The following COL11A1 variants were observed in gnomAD, a reference collection of about 807,000 sequenced individuals.
COL11A1 encodes collagen type XI alpha 1 chain.
COL11A1 carries 74 observed loss-of-function variants against 265.2 expected under a neutral mutation model. The observed-to-expected ratio is 0.28, with a 90% confidence interval of 0.23 to 0.34. COL11A1 has a LOEUF of 0.34. Ranked by LOEUF, COL11A1 falls within the 10% of genes least tolerant of loss-of-function variation. The pLI is 1.00. For missense variants in COL11A1, 2,165 were observed against 2,263.6 expected (o/e 0.96, Z 0.88); for synonymous variants, 816 against 727.6 (o/e 1.12, Z -1.96).
intron 4 of COL11A1, among the ~76,000 whole-genome samples, chr1:103,072,075 A>G (rs1001272434): frequency 4.0e-5 from 6 of 151,854 alleles, no homozygotes; most frequent in Non-Finnish European, 5.9e-5. Flanking sequence ...AAATCAATTC[A>G]TATACTCACT....
chr1:103,018,896 T>C, intron 9 of COL11A1, 37 bp from the exon 10 acceptor site: 2 of 1,556,898 alleles, frequency 1.3e-6, no homozygotes, highest in Non-Finnish European at 1.8e-6. Flanking sequence ...ACCAGGGAAA[T>C]ATAACCCCCA....
intron 4 of COL11A1, among the ~76,000 whole-genome samples, chr1:103,065,117 T>C (rs567157319): frequency 3.9e-5 from 6 of 152,126 alleles, no homozygotes; most frequent in Non-Finnish European, 5.9e-5. Context: ...ATATTGATAA[T>C]AGGGAAGGTT....
chr1:103,018,856 T>C lies in COL11A1; in HGVS notation c.1312A>G (p.Met438Val), dbSNP rs775067018. Reference protein sequence around the residue: ...KGEPAVVEPGMLVEGPPGPAG... With the variant: ...KGEPAVVEPGVLVEGPPGPAG... ...GGTCCTGGTGGTCCTTCGACAAGCA[T>C]ACCCTATAACAGGAAAAGAGAACAT... The change falls in exon 10 of 67, where the codon ATG (methionine) becomes GTG (valine). Residue 438 changes from methionine (M) to valine (V), a missense_variant. By Grantham distance (21) the Met-to-Val change is conservative. Transcript: ENST00000370096. 2.5e-6 allele frequency: 4 copies of C among 1,612,136 alleles called. No individual in the cohort carries two copies. The East Asian group carries it at 8.9e-5, about 36-fold the overall frequency.
At chr1:103,051,496 ATCTGTCACCCCTT>A (rs1177565107) in intron 4 of COL11A1, among the ~76,000 whole-genome samples, 3 of 152,160 alleles carry the variant, frequency 2.0e-5, no homozygotes, top group African/African-American at 7.2e-5. Flanking sequence ...TCCAGGTGCC[ATCTGTCACCCCTT>A]TCTTTGACTA....
chr1:102,960,924 G>C (rs1025223403), intron 41 of COL11A1, among the ~76,000 whole-genome samples: 1 of 152,068 alleles, frequency 6.6e-6, no homozygotes, highest in African/African-American at 2.4e-5. Flanking sequence ...AAGGGGATAA[G>C]AAAATGAATC....
At position 103,063,934 on chromosome 1, in the gene COL11A1, A is replaced by G. The variant is rs376091318; in HGVS notation, c.651+10684T>C. Among the ~76,000 whole-genome samples the G allele has an allele frequency of 5.3e-5, 8 of 152,318 alleles. No individual in the cohort carries two copies. The East Asian group carries it at 9.6e-4, about 18-fold the overall frequency. ...TCAACAAGGAAGATATACAGATGGA[A>G]AGTAAGCCTATGAAAATATGTTCAA... On this transcript the variant is annotated intron_variant, in intron 4 of 66. Transcript: ENST00000370096.
rs1241975244 is a variant in COL11A1 at position 102,876,926 on chromosome 1, T to G, written c.*1093A>C. On this transcript the variant is annotated 3_prime_UTR_variant, in exon 67 of 67. Transcript: ENST00000370096. ...AATTATCTTGAAAGGAAAAAAGTAA[T>G]ATTTGTTGGGCAAGTAAAATAATTT... is the stretch of plus-strand genomic sequence containing the variant. 6.6e-6 allele frequency: 1 copy of G among 152,404 alleles called. No homozygotes were observed. The highest frequency in any genetic ancestry group is 1.9e-4 in the East Asian group (1 of 5,190). 9.4% of individuals were successfully genotyped at this position (152,404 alleles called of 1,614,324 possible).
In COL11A1 at chr1:103,091,946, C is replaced by T. The variant is rs150214142; in HGVS notation, c.107-8974G>A. ...AACAAGCCTATTAGTACTATCTTTT[C>T]AGAAAATAGAAATCCAGTGAACAAA... On this transcript the variant is annotated intron_variant, in intron 1 of 66. Transcript: ENST00000370096. Among the ~76,000 whole-genome samples the T allele has an allele frequency of 1.8e-3, 281 of 152,180 alleles. 1 individual carries two copies. Among genetic ancestry groups the T allele is most frequent in the African/African-American group, 6.5e-3 (270 of 41,548 alleles).
chr1:103,044,594 C>T (rs973294334), intron 4 of COL11A1, among the ~76,000 whole-genome samples: 1 of 152,094 alleles, frequency 6.6e-6, no homozygotes, highest in Non-Finnish European at 1.5e-5. Context: ...CAATATGGCT[C>T]TATTGCATCA....
chr1:102,944,612 A>T (rs1383667800), intron 42 of COL11A1, among the ~76,000 whole-genome samples: 1 of 152,088 alleles, frequency 6.6e-6, no homozygotes, highest in Non-Finnish European at 1.5e-5. Context: ...ATAATTTTTC[A>T]TCTGTCTCAC....
chr1:103,051,214 G>T (rs1028136800), intron 4 of COL11A1, among the ~76,000 whole-genome samples: 1 of 152,228 alleles, frequency 6.6e-6, no homozygotes, highest in Non-Finnish European at 1.5e-5. Context: ...AGCCTACAGA[G>T]GCAGGCAGGC....
At chr1:102,931,826 G>A (rs1385058821) in intron 46 of COL11A1, among the ~76,000 whole-genome samples, 2 of 151,528 alleles carry the variant, frequency 1.3e-5, no homozygotes. Context: ...TTGTTGAATT[G>A]ATCCCTTTAG....
At chr1:103,060,080 G>A (rs1670552544) in intron 4 of COL11A1, among the ~76,000 whole-genome samples, 1 of 151,728 alleles carries the variant, frequency 6.6e-6, no homozygotes, top group Admixed American at 6.6e-5. Flanking sequence ...GAAAATCTAA[G>A]ATAAATTTAA....
intron 64 of COL11A1, 129 bp downstream of exon 64, chr1:102,883,070 G>T: frequency 1.4e-6 from 1 of 721,342 alleles, no homozygotes; most frequent in Non-Finnish European, 2.5e-6. Context: ...TGCAAATGAA[G>T]TACTCTAATT....
rs916839865 is a variant in COL11A1, at chr1:102,906,962, C to T, written c.4086+5197G>A. 9.9e-5 allele frequency among the ~76,000 whole-genome samples: 15 copies of T among 152,120 alleles called. 1 individual carries two copies. The East Asian group carries it at 2.9e-3, about 29-fold the overall frequency. On this transcript the variant is annotated intron_variant, in intron 54 of 66. Coordinates refer to ENST00000370096, the MANE Select transcript of COL11A1 (RefSeq NM_001854.4). ...GATTATTATGTAAAACAGAAAGAAG[C>T]AATTAAGCATGCCAGTTTATCCAAA...
intron 54 of COL11A1, among the ~76,000 whole-genome samples, chr1:102,905,279 C>A (rs773067614): frequency 1.3e-5 from 2 of 149,158 alleles, no homozygotes; most frequent in Non-Finnish European, 3.0e-5. Flanking sequence ...TGCTAAATGA[C>A]GAGTTACTGG....
intron 4 of COL11A1, among the ~76,000 whole-genome samples, chr1:103,046,319 T>A (rs1371632071): frequency 2.4e-5 from 3 of 125,904 alleles, no homozygotes; most frequent in African/African-American, 6.0e-5. Flanking sequence ...AGATGGTATC[T>A]CATTGTGGTT....
At chr1:103,105,624 T>C (rs926475584) in intron 1 of COL11A1, among the ~76,000 whole-genome samples, 22 of 152,146 alleles carry the variant, frequency 1.4e-4, no homozygotes, top group Admixed American at 1.4e-3. Context: ...CTTATCACTG[T>C]ACCTCAATGA....
chr1:103,012,357 AG>A, intron 14 of COL11A1, 55 bp downstream of exon 14: 1 of 1,327,542 alleles, frequency 7.5e-7, no homozygotes. Flanking sequence ...GAAGTTGCAC[AG>A]GGAACTGCTA....
Sources: allele counts gnomAD v4.1 joint callset (sites outside exome capture counted in the v4.1 genomes callset), GRCh38; gene constraint gnomAD v4.1.1; transcripts MANE v1.5; gene names NCBI Gene and HGNC (gene_info 2026-07-23, HGNC 2026-07-21).